SORCS3: variants seen among roughly 807,000 people sequenced by gnomAD.
SORCS3 encodes the protein sortilin related VPS10 domain containing receptor 3, also known as VPS10 domain-containing receptor SorCS3.
A neutral mutation model predicts 146.3 loss-of-function variants in SORCS3; 57 were observed. The ratio of observed to expected loss-of-function variants is 0.39; its 90% CI spans 0.31 to 0.49. The LOEUF (loss-of-function observed/expected upper bound fraction) is 0.49, where lower values mean the gene tolerates loss of function less well. SORCS3 is among the 20% of genes least tolerant of loss of function. The pLI is 0.92. For missense variants in SORCS3, 1,341 were observed against 1,575.5 expected (o/e 0.85, Z 2.52); for synonymous variants, 653 against 618.5 (o/e 1.06, Z -0.83).
chr10:105,147,589 G>A lies in SORCS3; in HGVS notation c.1303-28G>A, dbSNP rs757063826. ...GGGCAGAGAGATATGGAGATCTGCT[G>A]CCTTACAAGCCTTCCATCTTCTTTC... is the stretch of plus-strand genomic sequence containing the variant. On this transcript the variant is annotated intron_variant, in intron 8 of 26. Coordinates refer to ENST00000369701, the MANE Select transcript of SORCS3 (RefSeq NM_014978.3). 7 of 1,583,790 alleles carry A rather than the reference G, an allele frequency of 4.4e-6. No homozygotes were observed. In the South Asian group the frequency reaches 8.1e-5, roughly 18 times the overall value.
At chr10:104,852,687 C>G (rs1237132954) in intron 2 of SORCS3, among the ~76,000 whole-genome samples, 1 of 152,202 alleles carries the variant, frequency 6.6e-6, no homozygotes, top group Non-Finnish European at 1.5e-5. Flanking sequence ...TACCACCTTT[C>G]CCTCTACCCA....
chr10:104,724,453 C>G (rs2133448172), intron 1 of SORCS3, among the ~76,000 whole-genome samples: 1 of 152,194 alleles, frequency 6.6e-6, no homozygotes, highest in South Asian at 2.1e-4. Flanking sequence ...AATTATGTGT[C>G]TTGGAGTTGC....
chr10:105,153,410 C>T (rs1247975231), intron 9 of SORCS3, among the ~76,000 whole-genome samples: 2 of 152,228 alleles, frequency 1.3e-5, no homozygotes, highest in East Asian at 3.9e-4. Flanking sequence ...AATAAAATAT[C>T]TATAAACATT....
chr10:104,821,544 A>G (rs1589512228), intron 1 of SORCS3, among the ~76,000 whole-genome samples: 1 of 152,308 alleles, frequency 6.6e-6, no homozygotes. Context: ...GCTACCATCT[A>G]TCTGTAGAAG....
intron 4 of SORCS3, among the ~76,000 whole-genome samples, chr10:105,038,424 C>G (rs921914013): frequency 6.6e-6 from 1 of 151,912 alleles, no homozygotes; most frequent in East Asian, 1.9e-4. Context: ...TTGGAAAATT[C>G]AATATTGCTT....
intron 7 of SORCS3, among the ~76,000 whole-genome samples, chr10:105,113,495 A>G (rs1432200735): frequency 6.6e-6 from 1 of 152,182 alleles, no homozygotes; most frequent in African/African-American, 2.4e-5. Context: ...CTATAAAGGA[A>G]TGTGCCTCAT....
At chr10:105,072,429 A>T (rs1342081009) in intron 5 of SORCS3, among the ~76,000 whole-genome samples, 2 of 152,090 alleles carry the variant, frequency 1.3e-5, no homozygotes, top group Non-Finnish European at 2.9e-5. Flanking sequence ...TTTAATTTTA[A>T]TTGTCCCAGA....
chr10:105,105,445 G>T lies in SORCS3; in HGVS notation c.1142G>T (p.Arg381Ile). Residue 381 changes from arginine (R) to isoleucine (I), a missense_variant, in exon 7 of 27, where the codon AGA (arginine) becomes ATA (isoleucine). Arg to Ile is a moderately conservative substitution (Grantham distance 97, BLOSUM62 -3). Transcript: ENST00000369701. ...ATCCAGGAATGTGCCGAGACAACTA[G>T]AAGTGGGCCTTTTGCCCGCTCCATT... ...CRIQECAETT[R>I]SGPFARSIDI... 4 of 1,613,804 alleles carry T rather than the reference G, an allele frequency of 2.5e-6. No individual in the cohort carries two copies. The highest frequency in any genetic ancestry group is 1.7e-4 in the Middle Eastern group (1 of 6,056).
intron 1 of SORCS3, among the ~76,000 whole-genome samples, chr10:104,703,862 A>G (rs1370938676): frequency 2.0e-5 from 3 of 152,054 alleles, no homozygotes; most frequent in African/African-American, 7.2e-5. Flanking sequence ...AAAGTCAGCT[A>G]GTCAAGGGTA....
intron 1 of SORCS3, among the ~76,000 whole-genome samples, chr10:104,694,510 T>C (rs1249579512): frequency 6.6e-6 from 1 of 152,074 alleles, no homozygotes; most frequent in Non-Finnish European, 1.5e-5. Context: ...CTTTAAGTAT[T>C]GGCAGCTAAG....
rs780585366 is a variant in SORCS3 at position 105,139,476 on chromosome 10, C to T, written c.1292C>T (p.Ser431Leu). The T allele has an allele frequency of 3.7e-6, 6 of 1,613,008 alleles. No homozygotes were observed. The highest frequency in any genetic ancestry group is 2.7e-5 in the African/African-American group (2 of 74,878). Reference sequence around the variant, plus strand: ...GCTCAGATAAAGCTGCCTAAGTACTCGTTGCCAAAGGTACTGCATGCACCA... The same window carrying T: ...GCTCAGATAAAGCTGCCTAAGTACTTGTTGCCAAAGGTACTGCATGCACCA... ...AFAQIKLPKY[S>L]LPKDMHIIST... Residue 431 changes from serine to leucine, a missense_variant, in exon 8 of 27, where the codon TCG (serine) becomes TTG (leucine). Coordinates refer to ENST00000369701, the MANE Select transcript of SORCS3 (RefSeq NM_014978.3).
chr10:104,751,370 T>C (rs547668803), intron 1 of SORCS3, among the ~76,000 whole-genome samples: 1 of 152,282 alleles, frequency 6.6e-6, no homozygotes, highest in East Asian at 1.9e-4. Flanking sequence ...TGTCCTGAAA[T>C]GGGGATACTC....
chr10:105,015,976 C>G (rs790649), intron 4 of SORCS3, among the ~76,000 whole-genome samples: 3 of 151,018 alleles, frequency 2.0e-5, no homozygotes, highest in South Asian at 4.2e-4. Context: ...GATCTGCCCC[C>G]CTCAGCCTCC....
intron 13 of SORCS3, among the ~76,000 whole-genome samples, chr10:105,175,591 C>T (rs971045475): frequency 6.6e-6 from 1 of 152,186 alleles, no homozygotes; most frequent in Non-Finnish European, 1.5e-5. Flanking sequence ...TGACGGACTA[C>T]ATGGTAAGAA....
At chr10:105,255,852 G>A in intron 24 of SORCS3, 51 bp downstream of exon 24, 1 of 1,391,442 alleles carries the variant, frequency 7.2e-7, no homozygotes, top group Non-Finnish European at 1.0e-6. Flanking sequence ...TGTTATCCCA[G>A]AGAGAAAAGG....
chr10:104,673,423 T>C (rs1048274939), intron 1 of SORCS3, among the ~76,000 whole-genome samples: 4 of 151,072 alleles, frequency 2.6e-5, no homozygotes, highest in African/African-American at 4.9e-5. Flanking sequence ...TATTTCCGTG[T>C]GTGTGTGTGT....
intron 2 of SORCS3, among the ~76,000 whole-genome samples, chr10:104,865,734 TAAAGAAACATG>T (rs1399679868): frequency 2.0e-5 from 3 of 152,154 alleles, no homozygotes; most frequent in Non-Finnish European, 2.9e-5. Flanking sequence ...AAAGGGACCT[TAAAGAAACATG>T]AAAGAAACAT....
chr10:105,097,571 G>C (rs2055755303), intron 6 of SORCS3, among the ~76,000 whole-genome samples: 1 of 152,154 alleles, frequency 6.6e-6, no homozygotes, highest in Non-Finnish European at 1.5e-5. Flanking sequence ...TTAGACCTTG[G>C]ACAAATTTCT....
intron 24 of SORCS3, 104 bp from the exon 25 acceptor site, chr10:105,256,715 A>G (rs2056933588): frequency 2.5e-6 from 2 of 807,536 alleles, no homozygotes; most frequent in Admixed American, 2.2e-5. Flanking sequence ...ACTAGACATA[A>G]GGATGGAGAT....
Sources: allele counts gnomAD v4.1 joint callset (sites outside exome capture counted in the v4.1 genomes callset), GRCh38; gene constraint gnomAD v4.1.1; transcripts MANE v1.5; gene names NCBI Gene and HGNC (gene_info 2026-07-23, HGNC 2026-07-21).